Variants in TAMM41 observed in about 807,000 individuals in gnomAD.
TAMM41 encodes the protein TAM41 mitochondrial translocator assembly and maintenance homolog, also known as phosphatidate cytidylyltransferase, mitochondrial.
In TAMM41, 36 loss-of-function variants were observed where a neutral mutation model predicts 44.1. The observed-to-expected ratio is 0.82, with a 90% confidence interval of 0.63 to 1.08. TAMM41 has a LOEUF of 1.08. Ranked by LOEUF, TAMM41 falls within the 50% of genes least tolerant of loss-of-function variation. TAMM41 has a pLI of 0.00. For synonymous variants in TAMM41, 164 were observed against 153.1 expected (o/e 1.07, Z -0.53); for missense variants, 417 against 404.3 (o/e 1.03, Z -0.27).
the TAMM41 span, among the ~76,000 whole-genome samples, chr3:11,781,736 A>AAATAATAATAATAATAAT: frequency 8.1e-6 from 1 of 123,082 alleles, no homozygotes; most frequent in Non-Finnish European, 1.6e-5. Flanking sequence ...CTCCATCTCA[A>AAATAATAATAATAATAAT]AATAATAATA....
chr3:11,724,238 G>C, the TAMM41 span, among the ~76,000 whole-genome samples: 1 of 135,466 alleles, frequency 7.4e-6, no homozygotes, highest in African/African-American at 2.8e-5. Flanking sequence ...TGAGTAGCTG[G>C]GATCACAGGC....
the TAMM41 span, among the ~76,000 whole-genome samples, chr3:11,727,120 C>T: frequency 6.6e-6 from 1 of 152,216 alleles, no homozygotes; most frequent in African/African-American, 2.4e-5. Flanking sequence ...ATTTTGGCCT[C>T]ATAACAATTC....
At chr3:11,825,439 G>GT (rs2125016264) in intron 4 of TAMM41, among the ~76,000 whole-genome samples, 1 of 152,274 alleles carries the variant, frequency 6.6e-6, no homozygotes, top group Admixed American at 6.5e-5. Context: ...CACACTGCTT[G>GT]TAAGGTTTCA....
chr3:11,725,454 C>CCTCCTCCTT, the TAMM41 span, among the ~76,000 whole-genome samples: 584 of 137,786 alleles, frequency 4.2e-3, 9 homozygotes, highest in African/African-American at 0.011. Flanking sequence ...TCCTCCTCCT[C>CCTCCTCCTT]CTTCTTCTTC....
chr3:11,737,952 C>A, the TAMM41 span, among the ~76,000 whole-genome samples: 1 of 152,198 alleles, frequency 6.6e-6, no homozygotes, highest in Non-Finnish European at 1.5e-5. Flanking sequence ...GTGCACACTT[C>A]ATTCACACCA....
intron 4 of TAMM41, among the ~76,000 whole-genome samples, chr3:11,827,636 G>GAA (rs373584134): frequency 3.1e-4 from 16 of 52,064 alleles, no homozygotes; most frequent in Admixed American, 6.0e-4. Context: ...CAGAAAAGAG[G>GAA]AAAAAAAAAA....
chr3:11,814,565 G>A (rs2078213103), intron 5 of TAMM41, among the ~76,000 whole-genome samples: 1 of 152,062 alleles, frequency 6.6e-6, no homozygotes, highest in South Asian at 2.1e-4. Flanking sequence ...CCACCTAACA[G>A]GAATCCCAGG....
chr3:11,792,451 GTGTC>G (rs2077502059), intron 7 of TAMM41, among the ~76,000 whole-genome samples: 2 of 152,294 alleles, frequency 1.3e-5, no homozygotes, highest in South Asian at 4.1e-4. Context: ...TTAAGTCTGA[GTGTC>G]TGTGAACTCC....
chr3:11,736,347 A>G, the TAMM41 span, among the ~76,000 whole-genome samples: 3 of 152,152 alleles, frequency 2.0e-5, no homozygotes, highest in Admixed American at 2.0e-4. Flanking sequence ...AAAACCAATC[A>G]TGTGATTAGC....
rs867497192 is a variant in TAMM41, at chr3:11,805,869, C to G, written c.937+1964G>C. 2.6e-5 allele frequency among the ~76,000 whole-genome samples: 4 copies of G among 152,190 alleles called. No homozygotes were observed. The East Asian group carries it at 7.7e-4, about 29-fold the overall frequency. ...ATATGGTTTGGCTCTGTGTTCCCAC[C>G]CAAATCTTACCCTGAATTGTAATAA... On this transcript the variant is annotated intron_variant, in intron 7 of 7. Coordinates refer to ENST00000455809, the MANE Select transcript of TAMM41 (RefSeq NM_001284401.2).
At chr3:11,731,860 C>T in the TAMM41 span, among the ~76,000 whole-genome samples, 1 of 148,342 alleles carries the variant, frequency 6.7e-6, no homozygotes, top group Admixed American at 6.8e-5. Flanking sequence ...TGTGAGGGGT[C>T]TCAATCTAAT....
the TAMM41 span, among the ~76,000 whole-genome samples, chr3:11,765,318 AG>A: frequency 6.6e-6 from 1 of 152,184 alleles, no homozygotes; most frequent in African/African-American, 2.4e-5. Context: ...CGCCACCACT[AG>A]CTGAGCTCTT....
chr3:11,823,829 C>CTTTTTTT (rs35092715), intron 4 of TAMM41, among the ~76,000 whole-genome samples: 1 of 117,942 alleles, frequency 8.5e-6, no homozygotes, highest in East Asian at 2.6e-4. Context: ...CCATGCCCGG[C>CTTTTTTT]TTTTTTTTTT....
At chr3:11,824,501 C>T (rs2078662584) in intron 4 of TAMM41, among the ~76,000 whole-genome samples, 1 of 151,226 alleles carries the variant, frequency 6.6e-6, no homozygotes, top group Non-Finnish European at 1.5e-5. Context: ...ATCATGTTGG[C>T]CAGGTTGGTC....
At chr3:11,760,636 C>G in the TAMM41 span, among the ~76,000 whole-genome samples, 5 of 152,134 alleles carry the variant, frequency 3.3e-5, no homozygotes, top group East Asian at 9.8e-4. Context: ...TCTTGGCTCA[C>G]TGCAACCTCC....
At chr3:11,774,193 G>A in the TAMM41 span, among the ~76,000 whole-genome samples, 1 of 152,198 alleles carries the variant, frequency 6.6e-6, no homozygotes, top group Non-Finnish European at 1.5e-5. Context: ...ACAGGTTTGA[G>A]CACTCTTGTT....
chr3:11,730,698 C>A, the TAMM41 span, among the ~76,000 whole-genome samples: 1 of 152,100 alleles, frequency 6.6e-6, no homozygotes, highest in Non-Finnish European at 1.5e-5. Context: ...CACGCCATTG[C>A]ACTCCAGCCT....
At chr3:11,766,617 G>T in the TAMM41 span, among the ~76,000 whole-genome samples, 1 of 151,902 alleles carries the variant, frequency 6.6e-6, no homozygotes, top group Non-Finnish European at 1.5e-5. Flanking sequence ...ACTCAGGCTG[G>T]AGTGTTGTGG....
At chr3:11,807,199 AG>A (rs2077936144) in intron 7 of TAMM41, 8 of 1,402,510 alleles carry the variant, frequency 5.7e-6, no homozygotes, top group Non-Finnish European at 7.4e-6. Flanking sequence ...AACATTATGC[AG>A]GGAAGGAAAG....
Sources: gnomAD v4.1 joint callset for allele counts (sites outside exome capture counted in the v4.1 genomes callset) on GRCh38, gnomAD v4.1.1 for gene constraint, MANE v1.5 for transcripts, NCBI Gene and HGNC (gene_info 2026-07-23, HGNC 2026-07-21) for gene names.